The following MED27 variants were observed in gnomAD, a reference collection of about 807,000 sequenced individuals.
MED27 encodes the protein mediator complex subunit 27, also known as mediator of RNA polymerase II transcription subunit 27.
In MED27, 30 loss-of-function variants were observed where a neutral mutation model predicts 38.2. The ratio of observed to expected loss-of-function variants is 0.79; its 90% CI spans 0.59 to 1.07. The LOEUF (loss-of-function observed/expected upper bound fraction) is 1.07, where lower values mean the gene tolerates loss of function less well. Among genes scored for constraint, MED27 ranks in the 50% least tolerant of loss-of-function variants. The pLI, the probability that MED27 is intolerant of heterozygous loss-of-function variation, is 0.00. For missense variants in MED27, 289 were observed against 397.5 expected (o/e 0.73, Z 2.32); for synonymous variants, 122 against 153.5 (o/e 0.79, Z 1.52).
chr9:131,925,330 C>A (rs1242596142), intron 4 of MED27, among the ~76,000 whole-genome samples: 2 of 152,072 alleles, frequency 1.3e-5, no homozygotes, highest in African/African-American at 2.4e-5. Flanking sequence ...TGCATAATAA[C>A]CGTATCATGG....
chr9:131,960,121 C>G (rs982318983), intron 3 of MED27, among the ~76,000 whole-genome samples: 4 of 152,170 alleles, frequency 2.6e-5, no homozygotes, highest in Admixed American at 6.5e-5. Flanking sequence ...CCTCATCTGT[C>G]TTTCACTTGA....
intron 3 of MED27, among the ~76,000 whole-genome samples, chr9:131,956,265 G>A (rs1163058125): frequency 1.3e-5 from 2 of 152,200 alleles, no homozygotes; most frequent in Non-Finnish European, 2.9e-5. Flanking sequence ...AGGAGATGGT[G>A]GAGTGGGAAT....
At chr9:131,876,277 C>T (rs1434841203) in intron 6 of MED27, among the ~76,000 whole-genome samples, 1 of 152,198 alleles carries the variant, frequency 6.6e-6, no homozygotes, top group Non-Finnish European at 1.5e-5. Context: ...CAGATGACTA[C>T]TCTGTGACTC....
chr9:131,969,389 A>G (rs143721245), intron 3 of MED27, among the ~76,000 whole-genome samples: 26 of 152,290 alleles, frequency 1.7e-4, no homozygotes, highest in African/African-American at 5.8e-4. Flanking sequence ...GATTCAGTGT[A>G]TATTTCATTA....
At chr9:131,907,197 CTCTCCCTCTCCCTCTCCCTCTCCCCACGG>C (rs532875660) in intron 4 of MED27, among the ~76,000 whole-genome samples, 92 of 151,922 alleles carry the variant, frequency 6.1e-4, no homozygotes, top group African/African-American at 2.2e-3. Flanking sequence ...GCCTAACGTG[CTCTCCCTCTCCCTCTCCCTCTCCCCACGG>C]TCTCCCTCTC....
chr9:132,057,476 C>A lies in MED27; in HGVS notation c.348+19966G>T, dbSNP rs573283551. On this transcript the variant is annotated intron_variant, in intron 2 of 7. Transcript: ENST00000292035. ...TGGTTGGTGTGCCTTCAAGAGGGAA[C>A]AGAGCTGGGCTGCGCAGGCCACAGG... Among the ~76,000 whole-genome samples the A allele has an allele frequency of 3.3e-5, 5 of 152,346 alleles. No homozygotes were observed. The East Asian group carries it at 9.6e-4, about 29-fold the overall frequency.
intron 2 of MED27, among the ~76,000 whole-genome samples, chr9:132,046,428 T>C (rs1048361640): frequency 2.6e-5 from 4 of 150,992 alleles, no homozygotes; most frequent in African/African-American, 9.8e-5. Flanking sequence ...GTACCAAGAG[T>C]CTTTAAAAAA....
At chr9:131,957,954 G>C (rs1267124352) in intron 3 of MED27, among the ~76,000 whole-genome samples, 1 of 151,932 alleles carries the variant, frequency 6.6e-6, no homozygotes, top group East Asian at 1.9e-4. Context: ...TGACAGAGAG[G>C]AGACCAGAGT....
chr9:131,940,051 C>T (rs1321464493), intron 3 of MED27, among the ~76,000 whole-genome samples: 1 of 151,786 alleles, frequency 6.6e-6, no homozygotes, highest in African/African-American at 2.4e-5. Context: ...GGACTACAGG[C>T]GATCCCCACC....
At chr9:131,995,944 C>A (rs955412707) in intron 3 of MED27, among the ~76,000 whole-genome samples, 3 of 152,146 alleles carry the variant, frequency 2.0e-5, no homozygotes, top group Non-Finnish European at 2.9e-5. Context: ...CTCTACACTC[C>A]ATAATTCCTG....
At position 131,911,407 on chromosome 9, in the gene MED27, T is replaced by C. The variant is rs1830184552; in HGVS notation, c.574-17415A>G. Among the ~76,000 whole-genome samples, 2 of 152,192 alleles carry C rather than the reference T, an allele frequency of 1.3e-5. 1 individual carries two copies. Among genetic ancestry groups the C allele is most frequent in the South Asian group, 4.1e-4 (2 of 4,834 alleles). ...CATCCCTCTTGCAAGTCAACTAGCT[T>C]TGCTTGGTTCCATGGTAGCAGACAT... On this transcript the variant is annotated intron_variant, in intron 4 of 7. Coordinates refer to ENST00000292035, the MANE Select transcript of MED27 (RefSeq NM_004269.4).
At chr9:131,974,578 C>T (rs765505220) in intron 3 of MED27, among the ~76,000 whole-genome samples, 2 of 152,130 alleles carry the variant, frequency 1.3e-5, no homozygotes, top group South Asian at 4.1e-4. Flanking sequence ...AACTCAGGCC[C>T]GGAGAGAAAT....
At position 132,061,452 on chromosome 9, in the gene MED27, G is replaced by A. The variant is rs140846060; in HGVS notation, c.348+15990C>T. Among the ~76,000 whole-genome samples, 651 of 152,316 alleles carry A rather than the reference G, an allele frequency of 4.3e-3. 2 individuals are homozygous for A. The highest frequency in any genetic ancestry group is 0.014 in the African/African-American group (593 of 41,564). On this transcript the variant is annotated intron_variant, in intron 2 of 7. Transcript: ENST00000292035. ...CTAGTAGCTGGTAAGTGAAGTTGAT[G>A]TGGCATACTTTCAAACTATATTGTT...
chr9:131,911,677 A>C (rs1457470042), intron 4 of MED27, among the ~76,000 whole-genome samples: 1 of 152,238 alleles, frequency 6.6e-6, no homozygotes, highest in African/African-American at 2.4e-5. Context: ...AACTAACTTG[A>C]AGCAAGAATA....
chr9:131,901,733 C>T (rs1829952353), intron 4 of MED27, among the ~76,000 whole-genome samples: 1 of 152,118 alleles, frequency 6.6e-6, no homozygotes, highest in Non-Finnish European at 1.5e-5. Flanking sequence ...CATCAGTGCC[C>T]CTATACTTTT....
At chr9:131,955,747 C>T (rs1831083687) in intron 3 of MED27, among the ~76,000 whole-genome samples, 1 of 152,156 alleles carries the variant, frequency 6.6e-6, no homozygotes, top group Non-Finnish European at 1.5e-5. Flanking sequence ...TATTAAAAAT[C>T]TTCCCATGAA....
intron 2 of MED27, among the ~76,000 whole-genome samples, chr9:132,039,332 T>C (rs1346800418): frequency 6.6e-6 from 1 of 152,188 alleles, no homozygotes; most frequent in Non-Finnish European, 1.5e-5. Context: ...TGAAGCTCTG[T>C]GCACCTCAGT....
intron 3 of MED27, among the ~76,000 whole-genome samples, chr9:132,004,182 T>C (rs997654829): frequency 1.1e-4 from 17 of 152,216 alleles, no homozygotes; most frequent in African/African-American, 4.1e-4. Flanking sequence ...TTTCAGTCTG[T>C]GGCTTATTGA....
At chr9:132,026,483 T>C (rs1832821801) in intron 2 of MED27, among the ~76,000 whole-genome samples, 1 of 152,220 alleles carries the variant, frequency 6.6e-6, no homozygotes. Flanking sequence ...TATCTACCTT[T>C]ACTCTTTTCC....
Sources: gnomAD v4.1 joint callset for allele counts (sites outside exome capture counted in the v4.1 genomes callset) on GRCh38, gnomAD v4.1.1 for gene constraint, MANE v1.5 for transcripts, NCBI Gene and HGNC (gene_info 2026-07-23, HGNC 2026-07-21) for gene names.